EFNB2: variants seen among roughly 807,000 people sequenced by gnomAD.
The protein encoded by EFNB2 is ephrin B2.
EFNB2 carries 5 observed loss-of-function variants against 32.1 expected under a neutral mutation model. That is an observed-to-expected ratio of 0.16 (90% CI 0.08 to 0.33). The LOEUF (loss-of-function observed/expected upper bound fraction) is 0.33. Among genes scored for constraint, EFNB2 ranks in the 10% least tolerant of loss-of-function variants. The pLI is 1.00. For missense variants in EFNB2, 263 were observed against 422.6 expected, an observed-to-expected ratio of 0.62 and a Z score of 3.31; for synonymous variants, 168 against 166.5, an observed-to-expected ratio of 1.01 and a Z score of -0.07.
intron 2 of EFNB2, among the ~76,000 whole-genome samples, chr13:106,501,471 C>T (rs1439105782): frequency 6.6e-6 from 1 of 152,186 alleles, no homozygotes; most frequent in African/African-American, 2.4e-5. Context: ...TTCAGCATTA[C>T]TTCAAATCAC....
chr13:106,506,016 CAAGTT>C (rs1302582535), intron 2 of EFNB2: 2 of 152,166 alleles, frequency 1.3e-5, no homozygotes, highest in Non-Finnish European at 2.9e-5. Flanking sequence ...AGTGCAATCT[CAAGTT>C]AAGCAGAAGC....
At chr13:106,513,157 CAT>C (rs1037990314) in intron 1 of EFNB2, among the ~76,000 whole-genome samples, 92 of 152,264 alleles carry the variant, frequency 6.0e-4, no homozygotes, top group African/African-American at 1.6e-3. Flanking sequence ...AGATCTCCCA[CAT>C]GTTTGTTATT....
chr13:106,495,079 T>G (rs1878544781), intron 3 of EFNB2, 85 bp from the exon 4 acceptor site: 1 of 984,508 alleles, frequency 1.0e-6, no homozygotes, highest in African/African-American at 1.6e-5. Flanking sequence ...TCAACAGGCA[T>G]GAATAGCAAT....
At chr13:106,532,644 C>A (rs2138949348) in intron 1 of EFNB2, among the ~76,000 whole-genome samples, 1 of 152,300 alleles carries the variant, frequency 6.6e-6, no homozygotes, top group Middle Eastern at 3.4e-3. Flanking sequence ...CTTTTCCAGG[C>A]ACACATTATC....
At chr13:106,531,644 CA>C (rs1306168909) in intron 1 of EFNB2, among the ~76,000 whole-genome samples, 1 of 152,166 alleles carries the variant, frequency 6.6e-6, no homozygotes, top group East Asian at 1.9e-4. Context: ...CAATCTCTGA[CA>C]GGTCTGTATT....
intron 1 of EFNB2, 48 bp from the exon 2 acceptor site, chr13:106,512,860 T>C: frequency 1.4e-6 from 2 of 1,468,910 alleles, no homozygotes; most frequent in South Asian, 3.0e-5. Flanking sequence ...AAATTAACAG[T>C]ATTAATGACA....
At chr13:106,494,165 T>C (rs1278258949) in intron 4 of EFNB2, among the ~76,000 whole-genome samples, 1 of 152,172 alleles carries the variant, frequency 6.6e-6, no homozygotes, top group African/African-American at 2.4e-5. Flanking sequence ...TGGAAAGGGA[T>C]GGAATATTGC....
intron 1 of EFNB2, among the ~76,000 whole-genome samples, chr13:106,527,269 TATA>T (rs910864670): frequency 2.6e-5 from 4 of 151,632 alleles, no homozygotes; most frequent in Admixed American, 6.6e-5. Context: ...AATAAATAAT[TATA>T]ATAATACATA....
intron 2 of EFNB2, among the ~76,000 whole-genome samples, chr13:106,504,489 A>G (rs1410759570): frequency 2.0e-5 from 3 of 152,162 alleles, no homozygotes; most frequent in Non-Finnish European, 4.4e-5. Context: ...AGTAACCCCA[A>G]TAAGGTGCCC....
intron 2 of EFNB2, among the ~76,000 whole-genome samples, chr13:106,508,901 T>C (rs1204031468): frequency 6.6e-6 from 1 of 152,158 alleles, no homozygotes; most frequent in East Asian, 1.9e-4. Context: ...CATATTCACG[T>C]CTGAAACTCA....
chr13:106,502,293 T>C (rs1878808499), intron 2 of EFNB2, among the ~76,000 whole-genome samples: 1 of 152,206 alleles, frequency 6.6e-6, no homozygotes, highest in African/African-American at 2.4e-5. Flanking sequence ...AGAACTCCCC[T>C]CCTCTTTGCC....
At chr13:106,505,970 C>T (rs954110850) in intron 2 of EFNB2, 1 of 152,226 alleles carries the variant, frequency 6.6e-6, no homozygotes, top group East Asian at 1.9e-4. Flanking sequence ...ATCCCCAGGT[C>T]GTGACTCCGC....
intron 1 of EFNB2, among the ~76,000 whole-genome samples, chr13:106,534,053 A>G (rs910729986): frequency 1.4e-4 from 21 of 152,144 alleles, no homozygotes; most frequent in Non-Finnish European, 2.4e-4. Context: ...CCCGAGGGAG[A>G]AGGCTTCAGG....
At chr13:106,509,994 G>A (rs987376659) in intron 2 of EFNB2, 3 of 152,152 alleles carry the variant, frequency 2.0e-5, no homozygotes, top group African/African-American at 7.2e-5. Context: ...CCTCCACCCA[G>A]CCCTTATGAC....
At chr13:106,534,226 C>A (rs2138951515) in intron 1 of EFNB2, among the ~76,000 whole-genome samples, 1 of 152,320 alleles carries the variant, frequency 6.6e-6, no homozygotes, top group East Asian at 1.9e-4. Context: ...CTCCCCGGCG[C>A]GGAGGAAAGG....
chr13:106,505,614 T>C (rs1878924978), intron 2 of EFNB2, among the ~76,000 whole-genome samples: 1 of 152,228 alleles, frequency 6.6e-6, no homozygotes, highest in Non-Finnish European at 1.5e-5. Flanking sequence ...GCTTGTCTGG[T>C]CTGTGCATCT....
At chr13:106,511,286 T>C (rs1466658065) in intron 2 of EFNB2, among the ~76,000 whole-genome samples, 3 of 152,178 alleles carry the variant, frequency 2.0e-5, no homozygotes, top group African/African-American at 2.4e-5. Context: ...ATGTATCAAG[T>C]TGGCTTTAAA....
At chr13:106,500,336 C>T (rs148176561) in intron 2 of EFNB2, among the ~76,000 whole-genome samples, 4 of 152,238 alleles carry the variant, frequency 2.6e-5, no homozygotes, top group African/African-American at 9.6e-5. Flanking sequence ...GTCTCACTGG[C>T]ACAGAGATGT....
chr13:106,501,252 G>A (rs1298347676), intron 2 of EFNB2, among the ~76,000 whole-genome samples: 2 of 152,006 alleles, frequency 1.3e-5, no homozygotes, highest in Non-Finnish European at 2.9e-5. Context: ...ATAAATGACT[G>A]TTTCTTTAAA....
Sources: gnomAD v4.1 joint callset for allele counts (sites outside exome capture counted in the v4.1 genomes callset) on GRCh38, gnomAD v4.1.1 for gene constraint, MANE v1.5 for transcripts, NCBI Gene and HGNC (gene_info 2026-07-23, HGNC 2026-07-21) for gene names.